DPAGT1: variants seen among roughly 807,000 people sequenced by gnomAD.
The protein encoded by DPAGT1 is UDP-N-acetylglucosamine--dolichyl-phosphate N-acetylglucosaminephosphotransferase.
Under a neutral mutation model 39.3 loss-of-function variants are expected in DPAGT1, and 25 were observed. That is an observed-to-expected ratio of 0.64 (90% CI 0.46 to 0.89). DPAGT1 has a LOEUF of 0.89. Among genes scored for constraint, DPAGT1 ranks in the 40% least tolerant of loss-of-function variants. The pLI, the probability that DPAGT1 is intolerant of heterozygous loss-of-function variation, is 0.00. For missense variants in DPAGT1, 381 were observed against 500.6 expected (o/e 0.76, Z 2.28); for synonymous variants, 193 against 201.4 (o/e 0.96, Z 0.36).
Position 119,100,268 on chromosome 11 carries a change from A to G in DPAGT1, c.637T>C (p.Leu213=), listed in dbSNP as rs370211356. The G allele has an allele frequency of 1.1e-5, 18 of 1,613,760 alleles. No individual in the cohort carries two copies. In the African/African-American group the frequency reaches 1.7e-4, roughly 16 times the overall value. The change falls in exon 4 of 9, where the codon TTG becomes CTG. Residue 213 remains leucine, a synonymous_variant. Transcript: ENST00000354202. ...CACCCCCAATCCCACCTACCTTCCA[A>G]CTCTACCAGGTTGAAGACAATGATG... ...ASIIVFNLVE[L]EGDCRDDHVF... is the part of the protein sequence containing the mutation.
rs1187666922 is a variant in DPAGT1, at chr11:119,097,835, T to G, written c.917+20A>C. On this transcript the variant is annotated intron_variant, in intron 6 of 8. Transcript: ENST00000354202. This position sits in a 1 kb window ranked among gnomAD's most constrained non-coding sequence, Gnocchi z 4.6. The stretch of plus-strand genomic sequence containing the variant: ...AAGTGAAAAGGCTATGATGTCCATT[T>G]CAAGCCAAAAAGCGGCTACCTGGGT... 6.2e-7 allele frequency: 1 copy of G among 1,613,902 alleles called. No individual in the cohort carries two copies. The highest frequency in any genetic ancestry group is 1.3e-5 in the African/African-American group (1 of 75,058).
Position 119,096,920 on chromosome 11 carries a change from A to G in DPAGT1, c.*78T>C, listed in dbSNP as rs2134896854. 3 of 1,532,154 alleles carry G rather than the reference A, an allele frequency of 2.0e-6. No homozygotes were observed. In the East Asian group the frequency reaches 6.8e-5, roughly 35 times the overall value. 94.9% of individuals were successfully genotyped at this position (1,532,154 alleles called of 1,614,324 possible). On this transcript the variant is annotated 3_prime_UTR_variant, in exon 9 of 9. Transcript: ENST00000354202. Reference sequence around the variant, plus strand: ...GTGAGAGAGGCCTGGGCAAGGAGGCAGTCTGGGACCAGAGAGAGAGGTCAG... The same window carrying G: ...GTGAGAGAGGCCTGGGCAAGGAGGCGGTCTGGGACCAGAGAGAGAGGTCAG...
At chr11:119,095,380 G>C (rs1343441927), downstream of DPAGT1, 9 of 1,566,286 alleles carry the variant, frequency 5.7e-6, no homozygotes, top group African/African-American at 4.1e-5. Context: ...CGCCAGTCTT[G>C]CCGCGGCCCG....
Position 119,097,732 on chromosome 11 carries a change from G to C in DPAGT1, c.917+123C>G. On this transcript the variant is annotated intron_variant, in intron 6 of 8. Coordinates refer to ENST00000354202, the MANE Select transcript of DPAGT1 (RefSeq NM_001382.4). This position sits in a 1 kb window ranked among gnomAD's most constrained non-coding sequence, Gnocchi z 4.6. ...AAATGTGCTTTGTAAGTTATAAAGGGCTACTCACATGGAAATAGCCCTTCT... is the reference window on the plus strand; with the variant it reads ...AAATGTGCTTTGTAAGTTATAAAGGCCTACTCACATGGAAATAGCCCTTCT... 6.8e-7 allele frequency: 1 copy of C among 1,466,336 alleles called. No homozygotes were observed. The highest frequency in any genetic ancestry group is 2.1e-4 in the Middle Eastern group (1 of 4,812). The allele number at this position is 1,466,336 out of a possible 1,614,324, so 90.8% of individuals were successfully genotyped here. A position where few individuals can be genotyped will look rare whatever the true frequency, so the allele number is the denominator to read the frequency against.
In DPAGT1 at chr11:119,097,018, G is replaced by C; in HGVS notation, c.1207C>G (p.Arg403Gly). 1 of 1,614,136 alleles carries C rather than the reference G, an allele frequency of 6.2e-7. No individual in the cohort carries two copies. Among genetic ancestry groups the C allele is most frequent in the Non-Finnish European group, 8.5e-7 (1 of 1,180,028 alleles). Reference protein sequence around the residue: ...ITFSIRYQLVRLFYDV With the variant: ...ITFSIRYQLVGLFYDV ...GGGACTCAGACATCATAGAAGAGTC[G>C]AACGAGCTGATATCGAATGGAGAAG... Residue 403 changes from arginine to glycine, a missense_variant, in exon 9 of 9, where the codon CGA becomes GGA. Arg to Gly is a moderately radical substitution (Grantham distance 125). Transcript: ENST00000354202. This position sits in a 1 kb window ranked among gnomAD's most constrained non-coding sequence, Gnocchi z 4.6.
chr11:119,100,970 A>G (rs376408268), intron 2 of DPAGT1, 48 bp downstream of exon 2: 362 of 1,613,906 alleles, frequency 2.2e-4, no homozygotes, highest in Non-Finnish European at 3.0e-4. Context: ...TCTCTCAGGT[A>G]CCTCCCAGGT....
Position 119,097,616 on chromosome 11 carries a change from A to G in DPAGT1, c.918-65T>C, listed in dbSNP as rs752042526. The G allele has an allele frequency of 6.3e-7, 1 of 1,576,528 alleles. No individual in the cohort carries two copies. Among genetic ancestry groups the G allele is most frequent in the Non-Finnish European group, 8.7e-7 (1 of 1,146,190 alleles). ...TTGAACCCTCCTCCCTGTGGCTAATAGGAAGAGCATTGAATGTGGAGTCAA... is the reference window on the plus strand; with the variant it reads ...TTGAACCCTCCTCCCTGTGGCTAATGGGAAGAGCATTGAATGTGGAGTCAA... On this transcript the variant is annotated intron_variant, in intron 6 of 8. Coordinates refer to ENST00000354202, the MANE Select transcript of DPAGT1 (RefSeq NM_001382.4). This position sits in a 1 kb window ranked among gnomAD's most constrained non-coding sequence, Gnocchi z 4.6.
In DPAGT1 at chr11:119,097,349, A is replaced by G; in HGVS notation, c.1006-52T>C. ...CTCAGCTAATACCTATGCTTTAGGAATGTGGATCTATTTAATGCTTTCAAG... is the reference window on the plus strand; with the variant it reads ...CTCAGCTAATACCTATGCTTTAGGAGTGTGGATCTATTTAATGCTTTCAAG... On this transcript the variant is annotated intron_variant, in intron 7 of 8. Coordinates refer to ENST00000354202, the MANE Select transcript of DPAGT1 (RefSeq NM_001382.4). This position sits in a 1 kb window ranked among gnomAD's most constrained non-coding sequence, Gnocchi z 4.6. 2 of 1,613,590 alleles carry G rather than the reference A, an allele frequency of 1.2e-6. No individual in the cohort carries two copies. Among genetic ancestry groups the G allele is most frequent in the Non-Finnish European group, 8.5e-7 (1 of 1,179,540 alleles).
At position 119,098,214 on chromosome 11, in the gene DPAGT1, G is replaced by A. The variant is rs980701360; in HGVS notation, c.729-171C>T. On this transcript the variant is annotated intron_variant, in intron 5 of 8. Transcript: ENST00000354202. ...AAGGCCCTGAATTCATCTATTCCTG[G>A]GGCCTCCACGCACTCATCCCTAACT... 9 of 1,093,380 alleles carry A rather than the reference G, an allele frequency of 8.2e-6. No individual in the cohort carries two copies. The East Asian group carries it at 1.7e-4, about 21-fold the overall frequency. 67.7% of individuals were successfully genotyped at this position (1,093,380 alleles called of 1,614,324 possible).
In DPAGT1 at chr11:119,097,187, C is replaced by A; in HGVS notation, c.1116G>T (p.Gly372=). The change falls in exon 8 of 9, where the codon GGG becomes GGT. Residue 372 remains glycine (G), a synonymous_variant. Coordinates refer to ENST00000354202, the MANE Select transcript of DPAGT1 (RefSeq NM_001382.4). This position sits in a 1 kb window ranked among gnomAD's most constrained non-coding sequence, Gnocchi z 4.6. ...TLINLLLKVL[G]PIHERNLTLL... is the part of the protein sequence containing the mutation. ...ATGTGAGGTTTCTCTCATGTATGGGCCCAAGGACTTTAAGTAGCAAGTTGA... is the reference window on the plus strand; with the variant it reads ...ATGTGAGGTTTCTCTCATGTATGGGACCAAGGACTTTAAGTAGCAAGTTGA... The A allele has an allele frequency of 6.2e-7, 1 of 1,614,140 alleles. No homozygotes were observed. Among genetic ancestry groups the A allele is most frequent in the Non-Finnish European group, 8.5e-7 (1 of 1,180,020 alleles).
intron 3 of DPAGT1, 87 bp from the exon 4 acceptor site, chr11:119,100,495 A>G: frequency 6.2e-7 from 1 of 1,605,890 alleles, no homozygotes; most frequent in Non-Finnish European, 8.5e-7. Context: ...AGGACGGACG[A>G]TAGGATGAAG....
Position 119,101,706 on chromosome 11 carries a change from C to G in DPAGT1, c.-51G>C. 6.2e-7 allele frequency: 1 copy of G among 1,613,616 alleles called. No individual in the cohort carries two copies. The highest frequency in any genetic ancestry group is 1.1e-5 in the South Asian group (1 of 91,028). On this transcript the variant is annotated 5_prime_UTR_variant, in exon 1 of 9. Coordinates refer to ENST00000354202, the MANE Select transcript of DPAGT1 (RefSeq NM_001382.4). ...GCCGCCTCTTCAGGTAACGGGCAAG[C>G]TGAGCAGCAGTCCTGAGGCCTCAGC...
At chr11:119,095,456 TG>T (rs1226763004), downstream of DPAGT1, 1 of 1,454,412 alleles carries the variant, frequency 6.9e-7, no homozygotes. Flanking sequence ...CCCGCCGCAG[TG>T]TAACTGCTGT....
chr11:119,094,908 AG>A, downstream of DPAGT1: 1 of 1,513,620 alleles, frequency 6.6e-7, no homozygotes, highest in South Asian at 1.3e-5. Flanking sequence ...GGCCCTTAAA[AG>A]GGCCTTTGTG....
At position 119,097,101 on chromosome 11, in the gene DPAGT1, A is replaced by G. The variant is rs781103118; in HGVS notation, c.1162-38T>C. 3.1e-6 allele frequency: 5 copies of G among 1,614,098 alleles called. No homozygotes were observed. Among genetic ancestry groups the G allele is most frequent in the Non-Finnish European group, 4.2e-6 (5 of 1,180,040 alleles). The stretch of plus-strand genomic sequence containing the variant: ...ATGGACTGGAGTAAGAATCACGCAG[A>G]AAGGGAGACACGGAGGTATAAACTC... On this transcript the variant is annotated intron_variant, in intron 8 of 8. Transcript: ENST00000354202. The surrounding 1 kb of genome is among the most constrained non-coding windows in gnomAD (Gnocchi z 4.6).
In DPAGT1 at chr11:119,098,393, G is replaced by A. The variant is rs1946437403; in HGVS notation, c.728+10C>T. On this transcript the variant is annotated intron_variant, in intron 5 of 8. Coordinates refer to ENST00000354202, the MANE Select transcript of DPAGT1 (RefSeq NM_001382.4). ...CAGGTAGTTGTCCCCTTATCCACAG[G>A]CCTACTTACCAGTTGTGGTAGAGCA... 4 of 1,613,004 alleles carry A rather than the reference G, an allele frequency of 2.5e-6. No individual in the cohort carries two copies. The highest frequency in any genetic ancestry group is 1.3e-5 in the African/African-American group (1 of 74,962).
chr11:119,093,908 C>T (rs1436798313), downstream of DPAGT1: 3 of 157,900 alleles, frequency 1.9e-5, no homozygotes, highest in African/African-American at 7.2e-5. Context: ...TAAAATTAGT[C>T]CATCTAAAAC....
In DPAGT1 at chr11:119,097,658, G is replaced by T; in HGVS notation, c.918-107C>A. Reference sequence around the variant, plus strand: ...TGGAGTCAACCTGAGATCTATTTCTGGCTCTGCTGCTTACTGTTATCAGAA... The same window carrying T: ...TGGAGTCAACCTGAGATCTATTTCTTGCTCTGCTGCTTACTGTTATCAGAA... On this transcript the variant is annotated intron_variant, in intron 6 of 8. Transcript: ENST00000354202. This position sits in a 1 kb window ranked among gnomAD's most constrained non-coding sequence, Gnocchi z 4.6. The T allele has an allele frequency of 6.9e-7, 1 of 1,459,580 alleles. No individual in the cohort carries two copies. Among genetic ancestry groups the T allele is most frequent in the Non-Finnish European group, 9.6e-7 (1 of 1,042,742 alleles). 90.4% of individuals were successfully genotyped at this position (1,459,580 alleles called of 1,614,324 possible).
At chr11:119,098,081 G>C in intron 5 of DPAGT1, 38 bp from the exon 6 acceptor site, 2 of 1,612,394 alleles carry the variant, frequency 1.2e-6, no homozygotes, top group African/African-American at 1.3e-5. Context: ...GTGGCAAGAG[G>C]CATTACCAAT....
Sources: gnomAD v4.1 joint callset for allele counts on GRCh38, gnomAD v4.1.1 for gene constraint, Gnocchi (gnomAD v3.1) non-coding constraint, MANE v1.5 for transcripts, NCBI Gene and HGNC (gene_info 2026-07-23, HGNC 2026-07-21) for gene names.